The following BRINP1 variants were observed in gnomAD, a reference collection of about 807,000 sequenced individuals.
BRINP1 encodes BMP/retinoic acid-inducible neural-specific protein 1.
BRINP1 carries 17 observed loss-of-function variants against 72.9 expected under a neutral mutation model. That is an observed-to-expected ratio of 0.23 (90% CI 0.16 to 0.35). BRINP1 has a LOEUF of 0.35. Ranked by LOEUF, BRINP1 falls within the 10% of genes least tolerant of loss-of-function variation. The pLI, the probability that BRINP1 is intolerant of heterozygous loss-of-function variation, is 1.00. For synonymous variants in BRINP1, 418 were observed against 378.5 expected, an observed-to-expected ratio of 1.10 and a Z score of -1.21; for missense variants, 850 against 1,001.6, an observed-to-expected ratio of 0.85 and a Z score of 2.04.
At chr9:119,360,684 C>T (rs937098184) in intron 1 of BRINP1, among the ~76,000 whole-genome samples, 2 of 152,144 alleles carry the variant, frequency 1.3e-5, no homozygotes, top group Admixed American at 1.3e-4. Context: ...TAATCTGTAA[C>T]GTGGCTAAAC....
At chr9:119,322,897 T>A (rs972533420) in intron 1 of BRINP1, among the ~76,000 whole-genome samples, 1 of 152,182 alleles carries the variant, frequency 6.6e-6, no homozygotes, top group Non-Finnish European at 1.5e-5. Context: ...AAATTAAACA[T>A]AATTTTAAAA....
chr9:119,220,363 A>G (rs1830027806), intron 5 of BRINP1, among the ~76,000 whole-genome samples: 1 of 152,160 alleles, frequency 6.6e-6, no homozygotes, highest in South Asian at 2.1e-4. Context: ...AGGCTGGGGA[A>G]AGAAGAATAT....
At chr9:119,226,045 C>T (rs1219257586) in intron 5 of BRINP1, among the ~76,000 whole-genome samples, 4 of 151,852 alleles carry the variant, frequency 2.6e-5, no homozygotes, top group Non-Finnish European at 2.9e-5. Flanking sequence ...CTCCTCTCAG[C>T]GATCTCAGTT....
At chr9:119,211,584 A>G (rs1314040625) in intron 6 of BRINP1, among the ~76,000 whole-genome samples, 6 of 152,196 alleles carry the variant, frequency 3.9e-5, no homozygotes, top group African/African-American at 1.4e-4. Flanking sequence ...ACTAGGCCCT[A>G]TTTGGCCACC....
At chr9:119,183,698 T>G (rs1449915848) in intron 7 of BRINP1, among the ~76,000 whole-genome samples, 1 of 152,210 alleles carries the variant, frequency 6.6e-6, no homozygotes. Flanking sequence ...CAGCAAAACA[T>G]GACATTTTCA....
intron 5 of BRINP1, among the ~76,000 whole-genome samples, chr9:119,224,690 T>C (rs1830073363): frequency 6.6e-6 from 1 of 152,058 alleles, no homozygotes; most frequent in South Asian, 2.1e-4. Flanking sequence ...TGCAGCCTTT[T>C]TTCAGGAATA....
At chr9:119,179,698 G>A (rs372953166) in intron 7 of BRINP1, among the ~76,000 whole-genome samples, 3 of 152,236 alleles carry the variant, frequency 2.0e-5, no homozygotes, top group African/African-American at 7.2e-5. Context: ...GAGAGACTGC[G>A]ACTCACCTTG....
chr9:119,201,749 C>T (rs1829807170), intron 7 of BRINP1, among the ~76,000 whole-genome samples: 1 of 152,178 alleles, frequency 6.6e-6, no homozygotes, highest in African/African-American at 2.4e-5. Context: ...CGCACAGTTG[C>T]TTGTATCTTT....
chr9:119,188,505 G>A (rs1019002917), intron 7 of BRINP1, among the ~76,000 whole-genome samples: 4 of 152,182 alleles, frequency 2.6e-5, no homozygotes, highest in African/African-American at 9.7e-5. Flanking sequence ...GCTCACATCT[G>A]TAATCTCAAA....
At chr9:119,284,103 C>G (rs1309855751) in intron 2 of BRINP1, among the ~76,000 whole-genome samples, 2 of 152,198 alleles carry the variant, frequency 1.3e-5, no homozygotes, top group Non-Finnish European at 2.9e-5. Context: ...CACCAGTCCT[C>G]TTATTTCTCT....
chr9:119,260,081 T>A (rs1446107133), intron 2 of BRINP1, among the ~76,000 whole-genome samples: 1 of 152,168 alleles, frequency 6.6e-6, no homozygotes, highest in Non-Finnish European at 1.5e-5. Flanking sequence ...TTAAGAAATA[T>A]CCTTCTCTTC....
At chr9:119,220,766 A>G (rs1490570570) in intron 5 of BRINP1, among the ~76,000 whole-genome samples, 1 of 152,196 alleles carries the variant, frequency 6.6e-6, no homozygotes, top group East Asian at 1.9e-4. Flanking sequence ...GAAAGAAAAT[A>G]GGCCTGGAAA....
At chr9:119,234,367 G>A (rs1276589231) in intron 5 of BRINP1, among the ~76,000 whole-genome samples, 5 of 152,174 alleles carry the variant, frequency 3.3e-5, no homozygotes, top group African/African-American at 1.2e-4. Context: ...TCCTGACTAG[G>A]AGAGTTGAGC....
intron 5 of BRINP1, among the ~76,000 whole-genome samples, chr9:119,236,062 T>C (rs1453977425): frequency 6.6e-6 from 1 of 152,212 alleles, no homozygotes; most frequent in Non-Finnish European, 1.5e-5. Flanking sequence ...ATTTTATTAA[T>C]ATTAATGGGA....
intron 5 of BRINP1, among the ~76,000 whole-genome samples, chr9:119,225,074 C>T (rs1289772412): frequency 1.3e-5 from 2 of 152,034 alleles, no homozygotes; most frequent in African/African-American, 4.8e-5. Context: ...CAAATGAAAA[C>T]TTGTAAATGA....
chr9:119,182,792 A>G (rs1442181153), intron 7 of BRINP1, among the ~76,000 whole-genome samples: 1 of 152,232 alleles, frequency 6.6e-6, no homozygotes, highest in Non-Finnish European at 1.5e-5. Context: ...GACTAAGATA[A>G]TACGTAAACA....
In BRINP1 at chr9:119,166,911, TTTATACAGTTGCTAGAACG is replaced by T. The variant is rs2118809237; in HGVS notation, c.*154_*172del. The T allele has an allele frequency of 4.3e-6, 3 of 694,152 alleles. No individual in the cohort carries two copies. Among genetic ancestry groups the T allele is most frequent in the Non-Finnish European group, 4.7e-6 (2 of 422,022 alleles). 43.0% of individuals were successfully genotyped at this position (694,152 alleles called of 1,614,324 possible). Reference sequence around the variant, plus strand: ...AGAAATAACAAACATGCCCAACGCTTTTATACAGTTGCTAGAACGTTTTCATTTCCAACAAATGAAGATT... The same window carrying T: ...AGAAATAACAAACATGCCCAACGCTTTTTTCATTTCCAACAAATGAAGATT... On this transcript the variant is annotated 3_prime_UTR_variant, in exon 8 of 8. Transcript: ENST00000265922.
At chr9:119,258,393 G>C (rs891683890) in intron 2 of BRINP1, among the ~76,000 whole-genome samples, 1 of 152,170 alleles carries the variant, frequency 6.6e-6, no homozygotes, top group African/African-American at 2.4e-5. Flanking sequence ...CACTGTTATC[G>C]AGGGCAGGGG....
At chr9:119,266,437 A>C (rs1202841090) in intron 2 of BRINP1, among the ~76,000 whole-genome samples, 2 of 152,252 alleles carry the variant, frequency 1.3e-5, no homozygotes, top group East Asian at 3.8e-4. Flanking sequence ...ACGATTATTT[A>C]ATACAATGTG....
Sources: gnomAD v4.1 joint callset for allele counts (sites outside exome capture counted in the v4.1 genomes callset) on GRCh38, gnomAD v4.1.1 for gene constraint, MANE v1.5 for transcripts, NCBI Gene and HGNC (gene_info 2026-07-23, HGNC 2026-07-21) for gene names.